Variants in CASD1 observed in about 807,000 individuals in gnomAD.
The protein encoded by CASD1 is N-acetylneuraminate (7)9-O-acetyltransferase.
In CASD1, 41 loss-of-function variants were observed where a neutral mutation model predicts 100.0. The ratio of observed to expected loss-of-function variants is 0.41; its 90% CI spans 0.32 to 0.53. CASD1 has a LOEUF of 0.53. Among genes scored for constraint, CASD1 ranks in the 20% least tolerant of loss-of-function variants. The pLI is 0.25. For missense variants in CASD1, 774 were observed against 948.7 expected, an observed-to-expected ratio of 0.82 and a Z score of 2.42; for synonymous variants, 321 against 315.6, an observed-to-expected ratio of 1.02 and a Z score of -0.18.
intron 3 of CASD1, among the ~76,000 whole-genome samples, chr7:94,524,438 T>A (rs1431915696): frequency 2.0e-5 from 3 of 152,222 alleles, no homozygotes; most frequent in East Asian, 3.9e-4. Context: ...GAGTTTTTTT[T>A]ATACCTACTA....
the CASD1 span, among the ~76,000 whole-genome samples, chr7:94,586,327 C>G: frequency 6.6e-6 from 1 of 151,998 alleles, no homozygotes; most frequent in Non-Finnish European, 1.5e-5. Context: ...AGAAAAGCTG[C>G]CGTACTCACA....
the CASD1 span, chr7:94,628,385 CAT>C: frequency 6.4e-7 from 1 of 1,564,332 alleles, no homozygotes; most frequent in Non-Finnish European, 8.8e-7. Flanking sequence ...AGAATTAAGA[CAT>C]AAGACAGTTA....
At chr7:94,585,824 A>G in the CASD1 span, among the ~76,000 whole-genome samples, 2 of 152,066 alleles carry the variant, frequency 1.3e-5, no homozygotes, top group African/African-American at 4.8e-5. Context: ...GTATAACTGT[A>G]CCTTTTAATC....
intron 8 of CASD1, among the ~76,000 whole-genome samples, chr7:94,536,447 T>A (rs1795124786): frequency 6.6e-6 from 1 of 152,180 alleles, no homozygotes; most frequent in African/African-American, 2.4e-5. Context: ...TTCTTAACCT[T>A]TGTGAGAGTT....
At chr7:94,583,044 G>A in the CASD1 span, among the ~76,000 whole-genome samples, 1 of 152,290 alleles carries the variant, frequency 6.6e-6, no homozygotes, top group South Asian at 2.1e-4. Flanking sequence ...CAAGATATGA[G>A]AACAGCTCAG....
chr7:94,608,949 AAACT>A, the CASD1 span, among the ~76,000 whole-genome samples: 44 of 152,344 alleles, frequency 2.9e-4, no homozygotes, highest in African/African-American at 1.1e-3. Context: ...GCAAAATGCA[AAACT>A]ATGAAACTTC....
At chr7:94,513,070 C>T (rs573324177) in intron 1 of CASD1, among the ~76,000 whole-genome samples, 2 of 152,284 alleles carry the variant, frequency 1.3e-5, no homozygotes, top group East Asian at 1.9e-4. Context: ...GGCGCAGTGG[C>T]TCACGCCTAT....
In CASD1 at chr7:94,510,071, A is replaced by AT; in HGVS notation, c.-13dup. 1 of 1,512,046 alleles carries AT rather than the reference A, an allele frequency of 6.6e-7. No individual in the cohort carries two copies. The highest frequency in any genetic ancestry group is 1.4e-5 in the African/African-American group (1 of 69,580). 93.7% of individuals were successfully genotyped at this position (1,512,046 alleles called of 1,614,324 possible). On this transcript the variant is annotated 5_prime_UTR_variant, in exon 1 of 18. It removes an upstream start codon present in the reference 5' UTR. Transcript: ENST00000297273. ...TCCCGCTCCGCCGCGCACTGTTGTCATGGAGGAACCAAGATGGCGGCTCTG... is the reference window on the plus strand; with the variant it reads ...TCCCGCTCCGCCGCGCACTGTTGTCATTGGAGGAACCAAGATGGCGGCTCTG...
the CASD1 span, chr7:94,629,984 T>A: frequency 1.1e-6 from 1 of 884,152 alleles, no homozygotes; most frequent in South Asian, 1.7e-5. Context: ...AGGAAACTGT[T>A]AATAACAATT....
At chr7:94,529,751 G>A (rs1296052861) in intron 5 of CASD1, among the ~76,000 whole-genome samples, 1 of 152,126 alleles carries the variant, frequency 6.6e-6, no homozygotes, top group Non-Finnish European at 1.5e-5. Flanking sequence ...AGAAGGCAAA[G>A]GCTAACACAG....
At chr7:94,601,198 A>C in the CASD1 span, among the ~76,000 whole-genome samples, 1 of 151,988 alleles carries the variant, frequency 6.6e-6, no homozygotes, top group Admixed American at 6.6e-5. Flanking sequence ...TACCATGTAA[A>C]TGTCTTATTT....
At chr7:94,517,737 T>G in intron 2 of CASD1, 81 bp downstream of exon 2, 1 of 810,732 alleles carries the variant, frequency 1.2e-6, no homozygotes, top group Non-Finnish European at 2.0e-6. Flanking sequence ...AAACAGTACT[T>G]TTCATCTCTA....
the CASD1 span, chr7:94,585,642 T>G: frequency 1.4e-6 from 1 of 700,846 alleles, no homozygotes; most frequent in Non-Finnish European, 2.6e-6. Flanking sequence ...AATAATTACA[T>G]TGCATTATTT....
chr7:94,606,776 G>A, the CASD1 span, among the ~76,000 whole-genome samples: 4 of 151,984 alleles, frequency 2.6e-5, no homozygotes, highest in South Asian at 2.1e-4. Context: ...CTCAGACCCC[G>A]GTAGAATTAA....
chr7:94,533,929 A>T, intron 7 of CASD1, 127 bp downstream of exon 7: 1 of 839,720 alleles, frequency 1.2e-6, no homozygotes, highest in Non-Finnish European at 1.7e-6. Context: ...GATTTGCAAG[A>T]TTAGAGTACA....
chr7:94,626,920 A>AG, the CASD1 span: 1 of 152,034 alleles, frequency 6.6e-6, no homozygotes, highest in Non-Finnish European at 1.5e-5. Context: ...ATTTTAATAA[A>AG]CACTTTTTCC....
the CASD1 span, among the ~76,000 whole-genome samples, chr7:94,595,721 A>G: frequency 6.6e-6 from 1 of 152,154 alleles, no homozygotes; most frequent in Non-Finnish European, 1.5e-5. Flanking sequence ...GTAAAAGTTG[A>G]ATTTGCATAA....
At chr7:94,630,553 A>C in the CASD1 span, among the ~76,000 whole-genome samples, 1 of 151,950 alleles carries the variant, frequency 6.6e-6, no homozygotes, top group Non-Finnish European at 1.5e-5. Context: ...TTTAAGTGAA[A>C]TAAGCAAATT....
intron 16 of CASD1, chr7:94,554,202 G>A: frequency 4.8e-6 from 1 of 209,228 alleles, no homozygotes; most frequent in Non-Finnish European, 9.5e-6. Flanking sequence ...AAGGGCCTTA[G>A]GCAAATCTGT....
Sources: allele counts gnomAD v4.1 joint callset (sites outside exome capture counted in the v4.1 genomes callset), GRCh38; gene constraint gnomAD v4.1.1; transcripts MANE v1.5; gene names NCBI Gene and HGNC (gene_info 2026-07-23, HGNC 2026-07-21).